Variants in CHST8 observed in about 807,000 individuals in gnomAD.
CHST8 encodes GALNAC-4-ST1.
In CHST8, 10 loss-of-function variants were observed where a neutral mutation model predicts 15.0. The observed-to-expected ratio is 0.67, with a 90% CI of 0.41 to 1.13. The LOEUF is 1.13. Ranked by LOEUF, CHST8 falls within the 50% of genes most tolerant of loss-of-function variation. CHST8 has a pLI of 0.00. For synonymous variants in CHST8, 259 were observed against 256.6 expected (o/e 1.01, Z -0.09); for missense variants, 634 against 608.2 (o/e 1.04, Z -0.45).
At chr19:33,636,666 C>G (rs1198267390) in intron 1 of CHST8, among the ~76,000 whole-genome samples, 1 of 152,112 alleles carries the variant, frequency 6.6e-6, no homozygotes, top group Admixed American at 6.5e-5. Flanking sequence ...TTTCAGAGGC[C>G]AAGGCGGGCG....
intron 3 of CHST8, among the ~76,000 whole-genome samples, chr19:33,760,116 A>G (rs1974685741): frequency 6.6e-6 from 1 of 152,036 alleles, no homozygotes; most frequent in Admixed American, 6.5e-5. Context: ...TTTCTGCTGT[A>G]TCTTTGACTC....
chr19:33,733,628 T>C (rs1305212287), intron 3 of CHST8, among the ~76,000 whole-genome samples: 1 of 152,242 alleles, frequency 6.6e-6, no homozygotes, highest in Non-Finnish European at 1.5e-5. Flanking sequence ...TTTTATTATC[T>C]CTTTACTAGT....
chr19:33,656,462 T>G (rs1972511273), intron 1 of CHST8, among the ~76,000 whole-genome samples: 1 of 152,218 alleles, frequency 6.6e-6, no homozygotes, highest in South Asian at 2.1e-4. Context: ...TCAGAGAATG[T>G]GATCTGTATT....
intron 3 of CHST8, among the ~76,000 whole-genome samples, chr19:33,703,026 G>T (rs1457442421): frequency 6.6e-6 from 1 of 152,172 alleles, no homozygotes; most frequent in Non-Finnish European, 1.5e-5. Flanking sequence ...TTCACTGCCT[G>T]AGCATCTTCA....
At chr19:33,769,630 T>TA (rs1394276155) in intron 3 of CHST8, among the ~76,000 whole-genome samples, 1 of 151,494 alleles carries the variant, frequency 6.6e-6, no homozygotes, top group Non-Finnish European at 1.5e-5. Flanking sequence ...AGGAGGGAAA[T>TA]AGACTCTGGG....
chr19:33,648,826 G>C (rs1972391478), intron 1 of CHST8, among the ~76,000 whole-genome samples: 1 of 105,766 alleles, frequency 9.5e-6, no homozygotes, highest in Non-Finnish European at 2.2e-5. Flanking sequence ...ATCAATAGAT[G>C]AATGGATAAA....
At chr19:33,662,939 C>T (rs1972605291) in intron 1 of CHST8, among the ~76,000 whole-genome samples, 2 of 152,170 alleles carry the variant, frequency 1.3e-5, no homozygotes, top group African/African-American at 4.8e-5. Context: ...CACAGTGATT[C>T]TCCTTTCAAA....
At chr19:33,635,918 G>A (rs1469371475) in intron 1 of CHST8, among the ~76,000 whole-genome samples, 2 of 152,046 alleles carry the variant, frequency 1.3e-5, no homozygotes, top group Non-Finnish European at 1.5e-5. Flanking sequence ...TTAAAATAGG[G>A]CAAAAATGAA....
intron 1 of CHST8, among the ~76,000 whole-genome samples, chr19:33,658,648 A>C (rs1241908293): frequency 6.6e-6 from 1 of 152,168 alleles, no homozygotes; most frequent in Non-Finnish European, 1.5e-5. Context: ...AGCTGTTCTA[A>C]CTGTTGGTAA....
intron 1 of CHST8, among the ~76,000 whole-genome samples, chr19:33,642,048 G>T (rs1357649321): frequency 6.6e-6 from 1 of 152,218 alleles, no homozygotes; most frequent in South Asian, 2.1e-4. Context: ...AGGGCCTGGG[G>T]CCTAGTGTCT....
intron 3 of CHST8, among the ~76,000 whole-genome samples, chr19:33,738,324 G>A (rs1407646396): frequency 1.3e-5 from 2 of 152,158 alleles, no homozygotes; most frequent in African/African-American, 4.8e-5. Context: ...CAGAAACAGG[G>A]GGACTTTTGT....
chr19:33,762,644 A>G (rs1974758441), intron 3 of CHST8, among the ~76,000 whole-genome samples: 1 of 152,222 alleles, frequency 6.6e-6, no homozygotes, highest in Non-Finnish European at 1.5e-5. Flanking sequence ...GAACCAGGTG[A>G]TCAGCATGCC....
chr19:33,702,449 T>C (rs1973358555), intron 3 of CHST8, among the ~76,000 whole-genome samples: 1 of 152,204 alleles, frequency 6.6e-6, no homozygotes, highest in East Asian at 1.9e-4. Context: ...ACCCAGCAGA[T>C]TGTGGCAACT....
intron 1 of CHST8, among the ~76,000 whole-genome samples, chr19:33,624,239 T>C (rs1470303761): frequency 3.3e-5 from 5 of 152,226 alleles, no homozygotes; most frequent in Admixed American, 2.6e-4. Flanking sequence ...TCAGGCAGCG[T>C]GGGGGCTCAT....
chr19:33,712,075 AAAAC>A (rs1354785437), intron 3 of CHST8, among the ~76,000 whole-genome samples: 1 of 152,266 alleles, frequency 6.6e-6, no homozygotes, highest in Non-Finnish European at 1.5e-5. Flanking sequence ...TAAGGATAGT[AAAAC>A]AAACAAAGAA....
chr19:33,766,348 C>T (rs1262714397), intron 3 of CHST8, among the ~76,000 whole-genome samples: 1 of 152,124 alleles, frequency 6.6e-6, no homozygotes, highest in Non-Finnish European at 1.5e-5. Flanking sequence ...TCATACTTCC[C>T]ATGGAGTGGA....
intron 2 of CHST8, among the ~76,000 whole-genome samples, chr19:33,682,187 GT>G (rs869056900): frequency 0.033 from 3,096 of 95,132 alleles, 79 homozygotes; most frequent in African/African-American, 0.11. Context: ...TTTTGTTGTT[GT>G]TTTTTTTTTT....
chr19:33,629,264 A>G (rs961149631), intron 1 of CHST8, among the ~76,000 whole-genome samples: 4 of 152,054 alleles, frequency 2.6e-5, no homozygotes, highest in Non-Finnish European at 5.9e-5. Context: ...TGTGTGTTTC[A>G]TCCACTTAGC....
intron 3 of CHST8, among the ~76,000 whole-genome samples, chr19:33,694,572 C>T (rs1490137771): frequency 6.6e-6 from 1 of 152,052 alleles, no homozygotes. Flanking sequence ...ATGGGCCAGG[C>T]CTCGTATTGA....
Sources: allele counts gnomAD v4.1 joint callset (sites outside exome capture counted in the v4.1 genomes callset), GRCh38; gene constraint gnomAD v4.1.1; transcripts MANE v1.5; gene names NCBI Gene and HGNC (gene_info 2026-07-23, HGNC 2026-07-21).